Variants in FAT3 observed in about 807,000 individuals in gnomAD.
The protein encoded by FAT3 is protocadherin Fat 3.
Under a neutral mutation model 310.2 loss-of-function variants are expected in FAT3, and 95 were observed. The observed-to-expected ratio is 0.31, with a 90% CI of 0.26 to 0.36. FAT3 has a LOEUF of 0.36. Ranked by LOEUF, FAT3 falls within the 10% of genes least tolerant of loss-of-function variation. FAT3 has a pLI of 1.00. For synonymous variants in FAT3, 2,314 were observed against 2,192.9 expected (o/e 1.06, Z -1.54); for missense variants, 5,408 against 5,715.6 (o/e 0.95, Z 1.74).
intron 3 of FAT3, among the ~76,000 whole-genome samples, chr11:92,535,616 C>G (rs1340475995): frequency 6.6e-6 from 1 of 152,190 alleles, no homozygotes; most frequent in East Asian, 1.9e-4. Context: ...TTGAACCACT[C>G]AAGCTTGGTT....
intron 7 of FAT3, among the ~76,000 whole-genome samples, chr11:92,784,342 A>C (rs1946832770): frequency 6.6e-6 from 1 of 152,280 alleles, no homozygotes; most frequent in African/African-American, 2.4e-5. Context: ...TCACAACTAT[A>C]GAATGTTTTA....
At chr11:92,508,108 A>G (rs1036796098) in intron 2 of FAT3, among the ~76,000 whole-genome samples, 4 of 152,170 alleles carry the variant, frequency 2.6e-5, no homozygotes, top group African/African-American at 9.6e-5. Context: ...AGGAAGAAAC[A>G]ATAATACAAA....
At chr11:92,307,227 A>G (rs1460903330) in intron 1 of FAT3, among the ~76,000 whole-genome samples, 1 of 145,430 alleles carries the variant, frequency 6.9e-6, no homozygotes, top group Non-Finnish European at 1.5e-5. Flanking sequence ...TGCCTGAGGC[A>G]GTTCCATACA....
chr11:92,761,308 G>A (rs1374202865), intron 4 of FAT3, among the ~76,000 whole-genome samples: 1 of 152,166 alleles, frequency 6.6e-6, no homozygotes, highest in Non-Finnish European at 1.5e-5. Context: ...CTTTCGAAGG[G>A]CACTAATCCC....
chr11:92,436,307 T>C (rs1321028524), intron 2 of FAT3, among the ~76,000 whole-genome samples: 1 of 152,000 alleles, frequency 6.6e-6, no homozygotes, highest in Non-Finnish European at 1.5e-5. Context: ...GCCTGGCTAA[T>C]TTTTAAAATT....
At chr11:92,666,508 C>T (rs572645534) in intron 3 of FAT3, among the ~76,000 whole-genome samples, 22 of 151,042 alleles carry the variant, frequency 1.5e-4, no homozygotes, top group Admixed American at 8.6e-4. Context: ...ACCGCCACCA[C>T]GCCCAGCTAT....
intron 1 of FAT3, among the ~76,000 whole-genome samples, chr11:92,333,295 T>C (rs1268641899): frequency 6.6e-6 from 1 of 152,240 alleles, no homozygotes; most frequent in Admixed American, 6.5e-5. Context: ...TGATCCTTTG[T>C]AAAGTTACAA....
intron 3 of FAT3, among the ~76,000 whole-genome samples, chr11:92,622,732 C>G (rs142856016): frequency 9.4e-4 from 143 of 152,256 alleles, no homozygotes; most frequent in African/African-American, 3.2e-3. Flanking sequence ...TTCAATTGCA[C>G]GGTCACAGAG....
Position 92,844,709 on chromosome 11 carries a change from G to T in FAT3, c.11342G>T (p.Arg3781Met). 1 of 1,556,580 alleles carries T rather than the reference G, an allele frequency of 6.4e-7. No individual in the cohort carries two copies. Residue 3781 changes from arginine (R) to methionine (M), a missense_variant, in exon 19 of 28, where the codon AGG (arginine) becomes ATG (methionine). Arg to Met is a moderately conservative substitution (Grantham distance 91). Around this residue, in one of 5 missense-constraint regions of FAT3, gnomAD observed 4,588 missense variants for 4,809.8 expected, o/e 0.95. Transcript: ENST00000525166. Reference sequence around the variant, plus strand: ...AGCTTTGTGTGTCCGCGTTTCTACAGGAACGTGCGTTGCACCTGCAATGGT... The same window carrying T: ...AGCTTTGTGTGTCCGCGTTTCTACATGAACGTGCGTTGCACCTGCAATGGT... ...RISFVCPRFY[R>M]NVRCTCNGGL...
rs1456432968 is a variant in FAT3, at chr11:92,890,777, G to A, written c.13434G>A (p.Leu4478=). The A allele has an allele frequency of 6.8e-6, 11 of 1,613,708 alleles. No homozygotes were observed. Among genetic ancestry groups the A allele is most frequent in the Non-Finnish European group, 9.3e-6 (11 of 1,179,880 alleles). ...AGCCTGTCTCCCTGGCCAGCACACT[G>A]AGCCCAGACTGCAGGAGAAGGCCCC... ...PSQPVSLAST[L]SPDCRRRPQF... Residue 4478 remains leucine, a synonymous_variant, in exon 28 of 28, where the codon CTG becomes CTA. Transcript: ENST00000525166.
chr11:92,780,371 C>T (rs138459919), intron 7 of FAT3, among the ~76,000 whole-genome samples: 1 of 152,104 alleles, frequency 6.6e-6, no homozygotes, highest in East Asian at 1.9e-4. Flanking sequence ...CCACGTTGCC[C>T]AAGCTGGTCT....
intron 3 of FAT3, among the ~76,000 whole-genome samples, chr11:92,639,268 TC>T (rs1434209374): frequency 1.3e-5 from 2 of 152,126 alleles, no homozygotes; most frequent in Non-Finnish European, 2.9e-5. Flanking sequence ...AGAGCAAACG[TC>T]CCCAGAAACT....
At position 92,455,416 on chromosome 11, in the gene FAT3, G is replaced by T. The variant is rs7938090; in HGVS notation, c.3293-69218G>T. On this transcript the variant is annotated intron_variant, in intron 2 of 27. Transcript: ENST00000525166. ...ACCTGTTCACTATTGTGCGGTGTCG[G>T]CTGATATCATATGGTAATTATGTTG... Among the ~76,000 whole-genome samples, 715 of 152,170 alleles carry T rather than the reference G, an allele frequency of 4.7e-3. 4 individuals carry two copies. Among genetic ancestry groups the T allele is most frequent in the African/African-American group, 0.016 (665 of 41,514 alleles).
chr11:92,442,076 A>G (rs1951075480), intron 2 of FAT3, among the ~76,000 whole-genome samples: 1 of 106,610 alleles, frequency 9.4e-6, no homozygotes, highest in African/African-American at 5.4e-5. Flanking sequence ...TAAGAAATAT[A>G]TATTTTATAT....
At chr11:92,534,025 C>T (rs1215790421) in intron 3 of FAT3, among the ~76,000 whole-genome samples, 1 of 152,140 alleles carries the variant, frequency 6.6e-6, no homozygotes, top group East Asian at 1.9e-4. Context: ...TAATTTACTA[C>T]ATTGCTTTAT....
chr11:92,838,603 A>G (rs1053869362), intron 17 of FAT3, among the ~76,000 whole-genome samples: 2 of 152,230 alleles, frequency 1.3e-5, no homozygotes, highest in African/African-American at 4.8e-5. Context: ...AGTGATATGC[A>G]TGACTTGGAG....
At chr11:92,732,543 G>C (rs149468909) in intron 4 of FAT3, among the ~76,000 whole-genome samples, 1 of 152,048 alleles carries the variant, frequency 6.6e-6, no homozygotes, top group African/African-American at 2.4e-5. Flanking sequence ...GCCATCATCT[G>C]ACAGTAGAGA....
At chr11:92,450,392 G>A (rs1015026639) in intron 2 of FAT3, among the ~76,000 whole-genome samples, 1 of 152,148 alleles carries the variant, frequency 6.6e-6, no homozygotes, top group Non-Finnish European at 1.5e-5. Flanking sequence ...TCCTGTGGCT[G>A]TGGGGGGTTG....
chr11:92,649,950 T>A (rs1942315818), intron 3 of FAT3, among the ~76,000 whole-genome samples: 1 of 144,524 alleles, frequency 6.9e-6, no homozygotes, highest in Admixed American at 7.0e-5. Context: ...ATTTTCTTTC[T>A]CCTTTTCACT....
Sources: allele counts gnomAD v4.1 joint callset (sites outside exome capture counted in the v4.1 genomes callset), GRCh38; gene constraint gnomAD v4.1.1; regional missense constraint gnomAD v4.1.1; transcripts MANE v1.5; gene names NCBI Gene and HGNC (gene_info 2026-07-23, HGNC 2026-07-21).